The following ABCB1 variants were observed in gnomAD, a reference collection of about 807,000 sequenced individuals.
ABCB1 encodes ATP-dependent translocase ABCB1.
In ABCB1, 69 loss-of-function variants were observed where a neutral mutation model predicts 142.0. The ratio of observed to expected loss-of-function variants is 0.49; its 90% CI spans 0.40 to 0.59. ABCB1 has a LOEUF of 0.59. Ranked by LOEUF, ABCB1 falls within the 20% of genes least tolerant of loss-of-function variation. ABCB1 has a pLI of 0.00. For synonymous variants in ABCB1, 532 were observed against 539.2 expected, an observed-to-expected ratio of 0.99 and a Z score of 0.18; for missense variants, 1,326 against 1,554.7, an observed-to-expected ratio of 0.85 and a Z score of 2.47.
chr7:87,589,161 T>A (rs564808528), intron 3 of ABCB1, among the ~76,000 whole-genome samples: 114 of 152,298 alleles, frequency 7.5e-4, no homozygotes, highest in South Asian at 2.1e-3. Flanking sequence ...ATGCCCTCAC[T>A]CTGTAGTTTA....
chr7:87,521,774 T>C (rs4148743), intron 21 of ABCB1: 392,482 of 812,910 alleles, frequency 0.48, 98,811 homozygotes, highest in African/African-American at 0.61. Flanking sequence ...CACCCAACTG[T>C]GAAAAAGATA....
At chr7:87,559,763 T>C (rs1390424247) in intron 8 of ABCB1, among the ~76,000 whole-genome samples, 3 of 152,138 alleles carry the variant, frequency 2.0e-5, no homozygotes, top group Non-Finnish European at 2.9e-5. Context: ...TCAGACCCCA[T>C]CTGCAGATAG....
chr7:87,558,496 T>C (rs1426314637), intron 8 of ABCB1, among the ~76,000 whole-genome samples: 1 of 152,186 alleles, frequency 6.6e-6, no homozygotes, highest in African/African-American at 2.4e-5. Flanking sequence ...TATTTTCCAA[T>C]ACTTACTGTT....
At chr7:87,628,752 G>C (rs1261481539) in intron 1 of ABCB1, 1 of 966,998 alleles carries the variant, frequency 1.0e-6, no homozygotes, top group Non-Finnish European at 1.4e-6. Flanking sequence ...GACCGAGCGA[G>C]AACCCCCTTA....
intron 1 of ABCB1, among the ~76,000 whole-genome samples, chr7:87,648,277 T>C (rs186828165): frequency 6.6e-6 from 1 of 152,014 alleles, no homozygotes; most frequent in African/African-American, 2.4e-5. Flanking sequence ...GAAGAAATCA[T>C]TGATCATGGG....
At chr7:87,580,007 T>C (rs1195942743) in intron 4 of ABCB1, among the ~76,000 whole-genome samples, 1 of 152,226 alleles carries the variant, frequency 6.6e-6, no homozygotes, top group African/African-American at 2.4e-5. Context: ...GACTGTGTCT[T>C]GAACAGTTAT....
chr7:87,705,211 G>T (rs1031254224), intron 1 of ABCB1, among the ~76,000 whole-genome samples: 5 of 152,084 alleles, frequency 3.3e-5, no homozygotes, highest in African/African-American at 1.2e-4. Flanking sequence ...GATCACCTGA[G>T]GTCAGCAGTT....
At chr7:87,612,812 T>C (rs947705529) in intron 1 of ABCB1, among the ~76,000 whole-genome samples, 1 of 152,138 alleles carries the variant, frequency 6.6e-6, no homozygotes, top group Non-Finnish European at 1.5e-5. Context: ...ATGTTGGTAT[T>C]TTGATAGGAA....
chr7:87,531,409 A>G lies in ABCB1; in HGVS notation c.2570T>C (p.Leu857Pro). The change falls in exon 21 of 28, where the codon CTA becomes CCA. Residue 857 changes from leucine (L) to proline (P), a missense_variant. Transcript: ENST00000622132. Reference sequence around the variant, plus strand: ...TACAATTGCTAAGAGTAACAGTGTTAGTTGCCAACCATAGATGAAGGATAT... The same window carrying G: ...TACAATTGCTAAGAGTAACAGTGTTGGTTGCCAACCATAGATGAAGGATAT... ...IIISFIYGWQ[L>P]TLLLLAIVPI... The G allele has an allele frequency of 6.2e-7, 1 of 1,613,574 alleles. No homozygotes were observed. The highest frequency in any genetic ancestry group is 8.5e-7 in the Non-Finnish European group (1 of 1,179,706).
intron 4 of ABCB1, among the ~76,000 whole-genome samples, chr7:87,576,015 G>A (rs946418658): frequency 6.6e-6 from 1 of 152,104 alleles, no homozygotes; most frequent in Admixed American, 6.5e-5. Flanking sequence ...AACCTCCTGG[G>A]CATGTATGTC....
chr7:87,612,517 G>T (rs1819887830), intron 1 of ABCB1, among the ~76,000 whole-genome samples: 1 of 152,058 alleles, frequency 6.6e-6, no homozygotes, highest in African/African-American at 2.4e-5. Flanking sequence ...ATTGAATAGG[G>T]TGTCCTTTCC....
chr7:87,600,387 A>G (rs1819400524), intron 1 of ABCB1, among the ~76,000 whole-genome samples, 197 bp from the exon 2 acceptor site: 3 of 152,154 alleles, frequency 2.0e-5, no homozygotes, highest in Non-Finnish European at 4.4e-5. Context: ...CCACGAAGGC[A>G]GAGTTGGGGG....
intron 26 of ABCB1, among the ~76,000 whole-genome samples, chr7:87,509,056 G>A (rs149013258): frequency 6.6e-6 from 1 of 152,238 alleles, no homozygotes; most frequent in East Asian, 1.9e-4. Flanking sequence ...TGAAGTGGTC[G>A]AACACTTTCA....
chr7:87,612,393 A>G (rs1346689290), intron 1 of ABCB1, among the ~76,000 whole-genome samples: 1 of 152,192 alleles, frequency 6.6e-6, no homozygotes, highest in Non-Finnish European at 1.5e-5. Context: ...TTATGGTTTC[A>G]GGTCCTAGAC....
rs1815489327 is a variant in ABCB1, at chr7:87,521,190, T to A, written c.2686-314A>T. 3 of 395,964 alleles carry A rather than the reference T, an allele frequency of 7.6e-6. No homozygotes were observed. The East Asian group carries it at 1.6e-4, about 22-fold the overall frequency. The allele number at this position is 395,964 out of a possible 1,614,324, so 24.5% of individuals were successfully genotyped here. ...ACCAGAGAACTCACAGTACTTCTAT[T>A]GCAGTGCTCTTTCTTCTATGATGAT... On this transcript the variant is annotated intron_variant, in intron 21 of 27. Coordinates refer to ENST00000622132, the MANE Select transcript of ABCB1 (RefSeq NM_001348946.2).
In ABCB1 at chr7:87,523,670, C is replaced by T. The variant is rs760234775; in HGVS notation, c.2686-2794G>A. ...ATTATGTTGTAATCAAATGTTACTT[C>T]CAACAAGGCAATCTGATTAGGAAAC... is the stretch of plus-strand genomic sequence containing the variant. On this transcript the variant is annotated intron_variant, in intron 21 of 27. Transcript: ENST00000622132. Among the ~76,000 whole-genome samples, 8 of 152,216 alleles carry T rather than the reference C, an allele frequency of 5.3e-5. No individual in the cohort carries two copies. In the Middle Eastern group the frequency reaches 0.01, roughly 194 times the overall value.
chr7:87,613,187 C>T (rs1377484126), intron 1 of ABCB1, among the ~76,000 whole-genome samples: 13 of 143,520 alleles, frequency 9.1e-5, no homozygotes, highest in African/African-American at 3.1e-4. Flanking sequence ...TTAGGGTTTT[C>T]TAGGCATAAG....
rs974595753 is a variant in ABCB1, at chr7:87,549,442, G to A, written c.1631C>T (p.Ala544Val). Residue 544 changes from alanine to valine, a missense_variant, in exon 14 of 28, where the codon GCC becomes GTC. By Grantham distance (64) the Ala-to-Val change is moderately conservative. Coordinates refer to ENST00000622132, the MANE Select transcript of ABCB1 (RefSeq NM_001348946.2). ...GAGGATCTTGGGGTTGCGAACCAGG[G>A]CACGTGCAATGGCGATCCTCTGCTT... Reference protein sequence around the residue: ...GQKQRIAIARALVRNPKILLL... With the variant: ...GQKQRIAIARVLVRNPKILLL... 7.4e-6 allele frequency: 12 copies of A among 1,614,024 alleles called. No individual in the cohort carries two copies. Among genetic ancestry groups the A allele is most frequent in the African/African-American group, 1.3e-5 (1 of 74,896 alleles).
upstream of ABCB1, among the ~76,000 whole-genome samples, chr7:87,605,078 G>A (rs1388477618): frequency 6.6e-6 from 1 of 152,192 alleles, no homozygotes; most frequent in African/African-American, 2.4e-5. Context: ...TAGGCTAAAT[G>A]CCTAAGTTAT....
Sources: gnomAD v4.1 joint callset for allele counts (sites outside exome capture counted in the v4.1 genomes callset) on GRCh38, gnomAD v4.1.1 for gene constraint, MANE v1.5 for transcripts, NCBI Gene and HGNC (gene_info 2026-07-23, HGNC 2026-07-21) for gene names.